DLL1: variants seen among roughly 807,000 people sequenced by gnomAD.
The protein encoded by DLL1 is delta-like protein 1.
A neutral mutation model predicts 75.1 loss-of-function variants in DLL1; 9 were observed. That is an observed-to-expected ratio of 0.12 (90% confidence interval 0.07 to 0.21). The LOEUF is 0.21. Ranked by LOEUF, DLL1 falls within the 10% of genes least tolerant of loss-of-function variation. DLL1 has a pLI of 1.00. For synonymous variants in DLL1, 477 were observed against 418.3 expected (o/e 1.14, Z -1.71); for missense variants, 837 against 1,007.6 (o/e 0.83, Z 2.29).
At position 170,282,754 on chromosome 6, in the gene DLL1, C is replaced by G; in HGVS notation, c.*120G>C. 2 of 1,548,480 alleles carry G rather than the reference C, an allele frequency of 1.3e-6. No homozygotes were observed. The highest frequency in any genetic ancestry group is 1.8e-6 in the Non-Finnish European group (2 of 1,122,164). ...GAGGAGAACCTGCTCGGTCTGAACT[C>G]GGTTTCTCAGCAGCAGTCCACGAGG... On this transcript the variant is annotated 3_prime_UTR_variant, in exon 11 of 11. Coordinates refer to ENST00000366756, the MANE Select transcript of DLL1 (RefSeq NM_005618.4).
Position 170,283,471 on chromosome 6 carries a change from G to A in DLL1, c.1808C>T (p.Ser603Leu), listed in dbSNP as rs1290849849. ...CTGCGTGGCCCCGATGATGCTGACT[G>A]AGATGTCCTTCTCACGCTGGCAGTT... is the stretch of plus-strand genomic sequence containing the variant. ...LANCQREKDI[S>L]VSIIGATQIK... Residue 603 changes from serine (S) to leucine (L), a missense_variant, in exon 9 of 11, where the codon TCA (serine) becomes TTA (leucine). Coordinates refer to ENST00000366756, the MANE Select transcript of DLL1 (RefSeq NM_005618.4). 1.2e-6 allele frequency: 2 copies of A among 1,613,028 alleles called. No homozygotes were observed. Among genetic ancestry groups the A allele is most frequent in the African/African-American group, 2.7e-5 (2 of 74,940 alleles).
At position 170,282,718 on chromosome 6, in the gene DLL1, G is replaced by A. The variant is rs1018048874; in HGVS notation, c.*156C>T. On this transcript the variant is annotated 3_prime_UTR_variant, in exon 11 of 11. Coordinates refer to ENST00000366756, the MANE Select transcript of DLL1 (RefSeq NM_005618.4). ...CCGCGACAGGCTGTCGGCAGGCGTC[G>A]AGGACCTCAGGAGGAGAACCTGCTC... The A allele has an allele frequency of 2.3e-5, 30 of 1,298,216 alleles. No individual in the cohort carries two copies. The African/African-American group carries it at 2.6e-4, about 11-fold the overall frequency. The allele number at this position is 1,298,216 out of a possible 1,614,324, so 80.4% of individuals were successfully genotyped here.
intron 8 of DLL1, 89 bp downstream of exon 8, chr6:170,284,830 C>A: frequency 7.7e-7 from 1 of 1,292,952 alleles, no homozygotes; most frequent in Non-Finnish European, 1.1e-6. Flanking sequence ...TTCATAAACT[C>A]GAGGTCACTC....
intron 8 of DLL1, 37 bp downstream of exon 8, chr6:170,284,882 G>C (rs753531728): frequency 6.2e-7 from 1 of 1,600,318 alleles, no homozygotes; most frequent in South Asian, 1.1e-5. Context: ...TTGACCGCTC[G>C]CCCGAGTCTC....
chr6:170,290,076 G>A lies in DLL1; in HGVS notation c.54+10C>T. 6.3e-7 allele frequency: 1 copy of A among 1,577,216 alleles called. No homozygotes were observed. Among genetic ancestry groups the A allele is most frequent in the Non-Finnish European group, 8.5e-7 (1 of 1,170,700 alleles). The stretch of plus-strand genomic sequence containing the variant: ...CCGCGGGGCCGCGGCGCCCCCACCT[G>A]CCCGCCTACCTGACACAGCAAGGCC... On this transcript the variant is annotated intron_variant, in intron 1 of 10. Coordinates refer to ENST00000366756, the MANE Select transcript of DLL1 (RefSeq NM_005618.4). This position sits in a 1 kb window ranked among gnomAD's most constrained non-coding sequence, Gnocchi z 4.7.
rs1462539062 is a variant in DLL1, at chr6:170,290,016, C to T, written c.54+70G>A. On this transcript the variant is annotated intron_variant, in intron 1 of 10. Coordinates refer to ENST00000366756, the MANE Select transcript of DLL1 (RefSeq NM_005618.4). The surrounding 1 kb of genome is among the most constrained non-coding windows in gnomAD (Gnocchi z 4.7). Reference sequence around the variant, plus strand: ...GTGCCGCTGTCCGCCCCTCCCCGCGCGCTCCTGCCCCGCGCCCCGGCTACC... The same window carrying T: ...GTGCCGCTGTCCGCCCCTCCCCGCGTGCTCCTGCCCCGCGCCCCGGCTACC... 3 of 1,391,194 alleles carry T rather than the reference C, an allele frequency of 2.2e-6. No homozygotes were observed. The highest frequency in any genetic ancestry group is 3.3e-5 in the South Asian group (2 of 60,618). 86.2% of individuals were successfully genotyped at this position (1,391,194 alleles called of 1,614,324 possible).
intron 2 of DLL1, 133 bp from the exon 3 acceptor site, chr6:170,288,922 A>T: frequency 1.0e-6 from 1 of 964,632 alleles, no homozygotes; most frequent in Non-Finnish European, 1.7e-6. Flanking sequence ...GCGTGTCTGG[A>T]GAGGGTCTCC....
In DLL1 at chr6:170,283,253, C is replaced by G. The variant is rs763570093; in HGVS notation, c.2026G>C (p.Gly676Arg). The change falls in exon 9 of 11, where the codon GGG becomes CGG. Residue 676 changes from glycine to arginine, a missense_variant. Physicochemically the swap from Gly to Arg is moderately radical, Grantham distance 125. Transcript: ENST00000366756. ...QPQGSSGEEK[G>R]TPTTLRGGEA... ...CACCCCCTGAGTGTGGTCGGGGTCC[C>G]CTTCTCCTCCCCTGAGGAGCCCTGG... 4.3e-6 allele frequency: 7 copies of G among 1,612,722 alleles called. No individual in the cohort carries two copies. In the East Asian group the frequency reaches 1.6e-4, roughly 36 times the overall value.
At chr6:170,288,098 C>T in intron 4 of DLL1, 141 bp downstream of exon 4, 1 of 1,284,042 alleles carries the variant, frequency 7.8e-7, no homozygotes, top group African/African-American at 1.5e-5. Flanking sequence ...TTATAGCAAT[C>T]CACTTCTGTC....
Position 170,291,023 on chromosome 6 carries a change from T to G in DLL1, c.-884A>C, listed in dbSNP as rs1783854758. ...CAGCCCCCCAATCTGGCGAGAGCTG[T>G]CACAAAGGAGCCACTTTTCCAAACC... On this transcript the variant is annotated 5_prime_UTR_variant, in exon 1 of 11. Coordinates refer to ENST00000366756, the MANE Select transcript of DLL1 (RefSeq NM_005618.4). 1.4e-6 allele frequency: 1 copy of G among 701,692 alleles called. No homozygotes were observed. The highest frequency in any genetic ancestry group is 2.0e-5 in the Admixed American group (1 of 49,974). The allele number at this position is 701,692 out of a possible 1,614,324, so 43.5% of individuals were successfully genotyped here. A position where few individuals can be genotyped will look rare whatever the true frequency, so the allele number is the denominator to read the frequency against.
rs1276674401 is a variant in DLL1 at position 170,285,106 on chromosome 6, G to A, written c.1062C>T (p.Cys354=). The change falls in exon 8 of 11, where the codon TGC becomes TGT. Residue 354 remains cysteine (C), a synonymous_variant. Coordinates refer to ENST00000366756, the MANE Select transcript of DLL1 (RefSeq NM_005618.4). ...TDLENSYSCT[C]PPGFYGKICE... ...AGATTTTGCCGTAGAAGCCGGGTGG[G>A]CAGGTACAGGAGTAGCTGTTCTCGA... is the stretch of plus-strand genomic sequence containing the variant. The A allele has an allele frequency of 8.7e-6, 14 of 1,613,968 alleles. No homozygotes were observed. Among genetic ancestry groups the A allele is most frequent in the Non-Finnish European group, 1.2e-5 (14 of 1,180,028 alleles).
In DLL1 at chr6:170,286,802, TACAC is replaced by T. The variant is rs143742416; in HGVS notation, c.671-508_671-505del. ...CCTCCTCACACACACCCCTCGCGTGTACACACACACACACACACACACACGCACA... is the reference window on the plus strand; with the variant it reads ...CCTCCTCACACACACCCCTCGCGTGTACACACACACACACACACACGCACA... On this transcript the variant is annotated intron_variant, in intron 4 of 10. Coordinates refer to ENST00000366756, the MANE Select transcript of DLL1 (RefSeq NM_005618.4). Among the ~76,000 whole-genome samples the T allele has an allele frequency of 5.7e-3, 848 of 149,016 alleles. 1 individual carries two copies. Among genetic ancestry groups the T allele is most frequent in the Middle Eastern group, 0.01 (3 of 288 alleles).
In DLL1 at chr6:170,290,085, C is replaced by G; in HGVS notation, c.54+1G>C. ...CGCGGCGCCCCCACCTGCCCGCCTA[C>G]CTGACACAGCAAGGCCGAGAGCACC... is the stretch of plus-strand genomic sequence containing the variant. On this transcript the variant is annotated splice_donor_variant, in intron 1 of 10. Coordinates refer to ENST00000366756, the MANE Select transcript of DLL1 (RefSeq NM_005618.4). LOFTEE classifies it high-confidence loss of function. This position sits in a 1 kb window ranked among gnomAD's most constrained non-coding sequence, Gnocchi z 4.7. The G allele has an allele frequency of 6.3e-7, 1 of 1,584,356 alleles. No individual in the cohort carries two copies. The highest frequency in any genetic ancestry group is 8.5e-7 in the Non-Finnish European group (1 of 1,173,930).
rs781737192 is a variant in DLL1, at chr6:170,283,563, C to G, written c.1716G>C (p.Arg572Ser). The change falls in exon 9 of 11, where the codon AGG (arginine) becomes AGC (serine). Residue 572 changes from arginine (R) to serine (S), a missense_variant. Around this residue, in one of 2 missense-constraint regions of DLL1, gnomAD observed 533 missense variants for 545.7 expected, o/e 0.98. Coordinates refer to ENST00000366756, the MANE Select transcript of DLL1 (RefSeq NM_005618.4). ...CGGCTGGGGGCCGGTGCTTCTGCAG[C>G]CTCAGCCGGACGCAGACCACCACAG... ...CAAVVVCVRL[R>S]LQKHRPPADP... 2.5e-6 allele frequency: 4 copies of G among 1,613,490 alleles called. No homozygotes were observed. The South Asian group carries it at 4.4e-5, about 18-fold the overall frequency.
intron 4 of DLL1, among the ~76,000 whole-genome samples, chr6:170,287,705 G>A (rs1021836101): frequency 1.3e-5 from 2 of 152,232 alleles, no homozygotes; most frequent in Non-Finnish European, 2.9e-5. Context: ...GCAGCCCACA[G>A]GAGTGAAAGC....
At chr6:170,288,137 A>C (rs763640024) in intron 4 of DLL1, 102 bp downstream of exon 4, 16 of 1,561,212 alleles carry the variant, frequency 1.0e-5, no homozygotes, top group Non-Finnish European at 1.2e-5. Context: ...CCACCAGAAC[A>C]TCTCTACAGT....
Position 170,290,816 on chromosome 6 carries a change from G to T in DLL1, c.-677C>A. The T allele has an allele frequency of 3.3e-6, 2 of 606,914 alleles. No homozygotes were observed. The highest frequency in any genetic ancestry group is 3.8e-5 in the South Asian group (2 of 52,594). 37.6% of individuals were successfully genotyped at this position (606,914 alleles called of 1,614,324 possible). A position where few individuals can be genotyped will look rare whatever the true frequency, so the allele number is the denominator to read the frequency against. On this transcript the variant is annotated 5_prime_UTR_variant, in exon 1 of 11. Transcript: ENST00000366756. The surrounding 1 kb of genome is among the most constrained non-coding windows in gnomAD (Gnocchi z 4.7). Reference sequence around the variant, plus strand: ...AGCCAATGCCATCCAGTACACACGCGCAGGACCGGAGGGGCCGGGCCGTGG... The same window carrying T: ...AGCCAATGCCATCCAGTACACACGCTCAGGACCGGAGGGGCCGGGCCGTGG...
At position 170,290,008 on chromosome 6, in the gene DLL1, T is replaced by G. The variant is rs1783817198; in HGVS notation, c.54+78A>C. ...CGCGGCCCGTGCCGCTGTCCGCCCC[T>G]CCCCGCGCGCTCCTGCCCCGCGCCC... On this transcript the variant is annotated intron_variant, in intron 1 of 10. Transcript: ENST00000366756. This position sits in a 1 kb window ranked among gnomAD's most constrained non-coding sequence, Gnocchi z 4.7. 2 of 1,378,320 alleles carry G rather than the reference T, an allele frequency of 1.5e-6. No individual in the cohort carries two copies. Among genetic ancestry groups the G allele is most frequent in the South Asian group, 3.3e-5 (2 of 60,312 alleles). The allele number at this position is 1,378,320 out of a possible 1,614,324, so 85.4% of individuals were successfully genotyped here.
chr6:170,282,721 G>A lies in DLL1; in HGVS notation c.*153C>T. ...CGACAGGCTGTCGGCAGGCGTCGAG[G>A]ACCTCAGGAGGAGAACCTGCTCGGT... is the stretch of plus-strand genomic sequence containing the variant. On this transcript the variant is annotated 3_prime_UTR_variant, in exon 11 of 11. Coordinates refer to ENST00000366756, the MANE Select transcript of DLL1 (RefSeq NM_005618.4). 1 of 1,319,174 alleles carries A rather than the reference G, an allele frequency of 7.6e-7. No homozygotes were observed. Among genetic ancestry groups the A allele is most frequent in the South Asian group, 1.2e-5 (1 of 83,846 alleles). 81.7% of individuals were successfully genotyped at this position (1,319,174 alleles called of 1,614,324 possible).
Sources: gnomAD v4.1 joint callset for allele counts (sites outside exome capture counted in the v4.1 genomes callset) on GRCh38, gnomAD v4.1.1 for gene constraint, gnomAD v4.1.1 regional missense constraint, Gnocchi (gnomAD v3.1) non-coding constraint, MANE v1.5 for transcripts, NCBI Gene and HGNC (gene_info 2026-07-23, HGNC 2026-07-21) for gene names.